The following FKBP5 variants were observed in gnomAD, a reference collection of about 807,000 sequenced individuals.
FKBP5 encodes the protein FKBP prolyl isomerase 5, also known as peptidyl-prolyl cis-trans isomerase FKBP5.
A neutral mutation model predicts 50.5 loss-of-function variants in FKBP5; 23 were observed. The ratio of observed to expected loss-of-function variants is 0.46; its 90% CI spans 0.33 to 0.65. The LOEUF (loss-of-function observed/expected upper bound fraction) is 0.65. Among genes scored for constraint, FKBP5 ranks in the 30% least tolerant of loss-of-function variants. FKBP5 has a pLI of 0.02. For missense variants in FKBP5, 411 were observed against 553.1 expected (o/e 0.74, Z 2.58); for synonymous variants, 176 against 190.6 (o/e 0.92, Z 0.63).
chr6:35,701,247 TG>T (rs1324266304), intron 2 of FKBP5, among the ~76,000 whole-genome samples: 6 of 149,040 alleles, frequency 4.0e-5, no homozygotes, highest in Non-Finnish European at 9.0e-5. Flanking sequence ...TTTGTTTTTT[TG>T]TTTTTTTTTT....
chr6:35,576,847 T>C, intron 10 of FKBP5, 147 bp downstream of exon 10: 1 of 989,572 alleles, frequency 1.0e-6, no homozygotes, highest in Non-Finnish European at 1.5e-6. Context: ...TACTCGACCT[T>C]TGGATCCAAA....
chr6:35,628,843 C>T (rs949381941), intron 3 of FKBP5, among the ~76,000 whole-genome samples: 1 of 151,960 alleles, frequency 6.6e-6, no homozygotes, highest in African/African-American at 2.4e-5. Flanking sequence ...TCAGCCTCCC[C>T]AGTAGCTGGG....
intron 5 of FKBP5, among the ~76,000 whole-genome samples, chr6:35,607,183 C>T (rs949131943): frequency 2.6e-5 from 4 of 152,140 alleles, no homozygotes; most frequent in South Asian, 2.1e-4. Flanking sequence ...AATGATCCAC[C>T]CACCTCAGCC....
At chr6:35,691,453 G>A (rs1278181602), upstream of FKBP5, among the ~76,000 whole-genome samples, 2 of 152,192 alleles carry the variant, frequency 1.3e-5, no homozygotes, top group Admixed American at 6.5e-5. Context: ...GGGCTGTGTG[G>A]ACGTGTCACA....
At chr6:35,587,965 TAACG>T (rs1186663764) in intron 7 of FKBP5, among the ~76,000 whole-genome samples, 1 of 152,144 alleles carries the variant, frequency 6.6e-6, no homozygotes, top group Admixed American at 6.6e-5. Flanking sequence ...ATTCAAAAGA[TAACG>T]AGTGTGTGTT....
chr6:35,723,024 G>A (rs1466420234), intron 1 of FKBP5, among the ~76,000 whole-genome samples: 2 of 152,192 alleles, frequency 1.3e-5, no homozygotes, highest in Non-Finnish European at 1.5e-5. Flanking sequence ...ATGAGATCAG[G>A]AGATCGAGAC....
intron 3 of FKBP5, among the ~76,000 whole-genome samples, chr6:35,620,976 T>TTAGTTGGG (rs1763814547): frequency 6.6e-6 from 1 of 152,038 alleles, no homozygotes; most frequent in South Asian, 2.1e-4. Flanking sequence ...AGCTTATAAT[T>TTAGTTGGG]TAGTTGGGTA....
intron 8 of FKBP5, chr6:35,583,576 A>G (rs1561843718): frequency 1.0e-6 from 1 of 984,858 alleles, no homozygotes. Flanking sequence ...CTGGGGGGTG[A>G]TTTTGCCCCC....
chr6:35,631,227 G>A (rs1049974463), intron 3 of FKBP5, among the ~76,000 whole-genome samples: 7 of 152,194 alleles, frequency 4.6e-5, no homozygotes, highest in African/African-American at 1.4e-4. Flanking sequence ...ATTTTTGAAT[G>A]GGTGAACAAA....
intron 7 of FKBP5, among the ~76,000 whole-genome samples, chr6:35,589,782 T>G (rs1762756646): frequency 6.6e-6 from 1 of 152,198 alleles, no homozygotes. Context: ...TAGCAGGCCT[T>G]CAGAAGAGGT....
rs1296916729 is a variant in FKBP5 at position 35,642,832 on chromosome 6, T to TATAA, written c.-9_-8insTTAT. ...ACCTTCATCAGTAGTCATTGTCTTTTAAGTAGAGAACCTGGTAAGAAGAAA... is the reference window on the plus strand; with the variant it reads ...ACCTTCATCAGTAGTCATTGTCTTTTATAAAAGTAGAGAACCTGGTAAGAAGAAA... On this transcript the variant is annotated 5_prime_UTR_variant, in exon 2 of 11. Coordinates refer to ENST00000357266, the MANE Select transcript of FKBP5 (RefSeq NM_004117.4). The TATAA allele has an allele frequency of 1.9e-6, 3 of 1,608,264 alleles. No homozygotes were observed. The South Asian group carries it at 3.3e-5, about 18-fold the overall frequency.
At chr6:35,676,086 G>A (rs1420266792) in intron 1 of FKBP5, among the ~76,000 whole-genome samples, 2 of 152,126 alleles carry the variant, frequency 1.3e-5, no homozygotes, top group Non-Finnish European at 2.9e-5. Context: ...AAAAGCAGCA[G>A]CAAGAAGAGA....
chr6:35,594,988 C>A (rs1215497299), intron 6 of FKBP5, among the ~76,000 whole-genome samples: 1 of 152,052 alleles, frequency 6.6e-6, no homozygotes, highest in Non-Finnish European at 1.5e-5. Context: ...GAAGGTGAGC[C>A]GTCACAATAG....
chr6:35,688,324 G>A (rs1765894758), intron 1 of FKBP5, among the ~76,000 whole-genome samples: 1 of 152,084 alleles, frequency 6.6e-6, no homozygotes, highest in South Asian at 2.1e-4. Flanking sequence ...CCGGCGCCCG[G>A]ACCCGAAAGC....
At chr6:35,601,772 A>G (rs1763151182) in intron 5 of FKBP5, among the ~76,000 whole-genome samples, 1 of 152,192 alleles carries the variant, frequency 6.6e-6, no homozygotes, top group Admixed American at 6.5e-5. Flanking sequence ...ACGGGAAGTA[A>G]ATCATCTATG....
intron 8 of FKBP5, chr6:35,581,476 G>A: frequency 1.5e-6 from 1 of 645,540 alleles, no homozygotes; most frequent in Non-Finnish European, 1.9e-6. Flanking sequence ...TGTAATCCCG[G>A]CTACTTAGGA....
intron 5 of FKBP5, among the ~76,000 whole-genome samples, chr6:35,598,961 G>A (rs1461400149): frequency 6.6e-6 from 1 of 151,062 alleles, no homozygotes; most frequent in Non-Finnish European, 1.5e-5. Flanking sequence ...GGCAACAGAG[G>A]GAGACTCCAT....
chr6:35,719,028 G>A (rs778684177), intron 2 of FKBP5, among the ~76,000 whole-genome samples: 1 of 152,122 alleles, frequency 6.6e-6, no homozygotes, highest in Non-Finnish European at 1.5e-5. Context: ...AGCCACAGCT[G>A]GCCCTCCCCT....
chr6:35,636,353 C>T (rs1375801234), intron 3 of FKBP5, among the ~76,000 whole-genome samples: 1 of 152,208 alleles, frequency 6.6e-6, no homozygotes, highest in African/African-American at 2.4e-5. Flanking sequence ...TCCATTCATT[C>T]TCAGAAAAAC....
Sources: gnomAD v4.1 joint callset for allele counts (sites outside exome capture counted in the v4.1 genomes callset) on GRCh38, gnomAD v4.1.1 for gene constraint, MANE v1.5 for transcripts, NCBI Gene and HGNC (gene_info 2026-07-23, HGNC 2026-07-21) for gene names.